The following FADS3 variants were observed in gnomAD, a reference collection of about 807,000 sequenced individuals.
The protein encoded by FADS3 is cytochrome b5-related protein.
A neutral mutation model predicts 60.4 loss-of-function variants in FADS3; 30 were observed. That is an observed-to-expected ratio of 0.50 (90% CI 0.37 to 0.67). FADS3 has a LOEUF of 0.67. Among genes scored for constraint, FADS3 ranks in the 30% least tolerant of loss-of-function variants. The probability of loss-of-function intolerance (pLI) is 0.00; values close to 1 mark genes in which losing one functional copy is unlikely to be tolerated. For synonymous variants in FADS3, 234 were observed against 249.3 expected (o/e 0.94, Z 0.58); for missense variants, 432 against 598.3 (o/e 0.72, Z 2.90).
chr11:61,884,178 T>C (rs1938230518), intron 1 of FADS3, among the ~76,000 whole-genome samples: 1 of 152,170 alleles, frequency 6.6e-6, no homozygotes, highest in African/African-American at 2.4e-5. Flanking sequence ...AAGCTACTTC[T>C]TCAAGGTCAC....
At chr11:61,885,088 C>T (rs1441657746) in intron 1 of FADS3, among the ~76,000 whole-genome samples, 3 of 152,166 alleles carry the variant, frequency 2.0e-5, no homozygotes, top group Non-Finnish European at 2.9e-5. Context: ...GATTCGAACC[C>T]GGGCCCATCT....
chr11:61,878,272 G>T (rs779096471), intron 5 of FADS3, 57 bp from the exon 6 acceptor site: 1 of 1,576,698 alleles, frequency 6.3e-7, no homozygotes, highest in Non-Finnish European at 8.7e-7. Context: ...TCCTTCTCCC[G>T]GGCAAGGTCA....
rs1938062473 is a variant in FADS3 at position 61,879,890 on chromosome 11, C to T, written c.324+151G>A. ...TACAGCTTCACTTTCAACTGCCTGC[C>T]CCCTGGGAGGGGAGGGCAGGCTCAG... is the stretch of plus-strand genomic sequence containing the variant. On this transcript the variant is annotated intron_variant, in intron 2 of 11. Coordinates refer to ENST00000278829, the MANE Select transcript of FADS3 (RefSeq NM_021727.5). 3 of 629,324 alleles carry T rather than the reference C, an allele frequency of 4.8e-6. No individual in the cohort carries two copies. In the East Asian group the frequency reaches 8.3e-5, roughly 17 times the overall value. 39.0% of individuals were successfully genotyped at this position (629,324 alleles called of 1,614,324 possible).
At chr11:61,882,112 T>G (rs1448340180) in intron 1 of FADS3, 14 of 134,438 alleles carry the variant, frequency 1.0e-4, no homozygotes, top group African/African-American at 3.1e-4. Flanking sequence ...TTTTTTTTTT[T>G]TTTTTTTTTT....
chr11:61,882,919 G>A (rs1233669368), intron 1 of FADS3, among the ~76,000 whole-genome samples: 4 of 151,840 alleles, frequency 2.6e-5, no homozygotes, highest in Admixed American at 1.3e-4. Context: ...TCGTAGAGTC[G>A]GGGTTTCACC....
chr11:61,883,241 T>C (rs1192078812), intron 1 of FADS3, among the ~76,000 whole-genome samples: 1 of 152,170 alleles, frequency 6.6e-6, no homozygotes, highest in African/African-American at 2.4e-5. Context: ...GCAACCACCA[T>C]GCTACCTTCT....
chr11:61,879,501 C>CAT lies in FADS3; in HGVS notation c.332_333insAT (p.Val112TrpfsTer15). On this transcript the variant is annotated frameshift_variant, in exon 3 of 12. Transcript: ENST00000278829. LOFTEE classifies it high-confidence loss of function. ...GGTGCAGGGCTCGGAAGTCCTCGACCAGCTGCGCCTGCCATAGCAGAGGGG... is the reference window on the plus strand; with the variant it reads ...GGTGCAGGGCTCGGAAGTCCTCGACCATAGCTGCGCCTGCCATAGCAGAGGGG... 1 of 1,578,870 alleles carries CAT rather than the reference C, an allele frequency of 6.3e-7. No homozygotes were observed. The highest frequency in any genetic ancestry group is 8.6e-7 in the Non-Finnish European group (1 of 1,165,324).
At chr11:61,875,051 A>C (rs1369500610) in intron 11 of FADS3, among the ~76,000 whole-genome samples, 2 of 152,228 alleles carry the variant, frequency 1.3e-5, no homozygotes, top group Non-Finnish European at 2.9e-5. Flanking sequence ...CTCATGGCAT[A>C]GATAACCTCC....
chr11:61,874,886 CTTAT>C (rs1937811745), intron 11 of FADS3, among the ~76,000 whole-genome samples: 1 of 151,830 alleles, frequency 6.6e-6, no homozygotes, highest in East Asian at 2.0e-4. Context: ...CTGTAATGTA[CTTAT>C]TTGTTATTTT....
At chr11:61,890,535 G>C (rs1938467634) in intron 1 of FADS3, 2 of 152,394 alleles carry the variant, frequency 1.3e-5, no homozygotes, top group Admixed American at 6.5e-5. Context: ...CTGGGGCCAG[G>C]CTACATCCCT....
Position 61,876,039 on chromosome 11 carries a change from C to T in FADS3, c.1161-63G>A, listed in dbSNP as rs764592385. 76 of 1,610,556 alleles carry T rather than the reference C, an allele frequency of 4.7e-5. No homozygotes were observed. The East Asian group carries it at 5.6e-4, about 12-fold the overall frequency. ...AGATTCCAGAGAGAGGCCCCACCCA[C>T]GGGTCCCCTCCCAGGATCCCCTCCC... On this transcript the variant is annotated intron_variant, in intron 10 of 11. Coordinates refer to ENST00000278829, the MANE Select transcript of FADS3 (RefSeq NM_021727.5). This position sits in a 1 kb window ranked among gnomAD's most constrained non-coding sequence, Gnocchi z 5.7.
rs1330524554 is a variant in FADS3 at position 61,891,272 on chromosome 11, T to G, written c.110A>C (p.Lys37Thr). The change falls in exon 1 of 12, where the codon AAG (lysine) becomes ACG (threonine). Residue 37 changes from lysine (K) to threonine (T), a missense_variant. By Grantham distance (78) the Lys-to-Thr change is moderately conservative. This residue lies in a region of FADS3 where 167 missense variants were observed against 188.8 expected (regional missense o/e 0.88). Transcript: ENST00000278829. ...GACGCGGCGCTCGATGACCAGCCAC[T>G]TGTCGCCGGGCTGGTCGTGCGCGCG... Reference protein sequence around the residue: ...QIRAHDQPGDKWLVIERRVYD... With the variant: ...QIRAHDQPGDTWLVIERRVYD... 2.6e-6 allele frequency: 4 copies of G among 1,539,208 alleles called. No homozygotes were observed. The African/African-American group carries it at 5.5e-5, about 21-fold the overall frequency.
At chr11:61,888,629 G>A (rs1057386625) in intron 1 of FADS3, among the ~76,000 whole-genome samples, 1 of 152,170 alleles carries the variant, frequency 6.6e-6, no homozygotes, top group Non-Finnish European at 1.5e-5. Context: ...AGCCGTGCAG[G>A]GCTGTCCCAC....
At chr11:61,878,460 C>T in intron 5 of FADS3, 52 bp downstream of exon 5, 3 of 1,594,450 alleles carry the variant, frequency 1.9e-6, no homozygotes, top group Non-Finnish European at 2.6e-6. Flanking sequence ...TGCATTAGCT[C>T]CCCCTCAGCT....
Position 61,875,959 on chromosome 11 carries a change from G to T in FADS3, c.1178C>A (p.Pro393Gln), listed in dbSNP as rs757125071. ...GGCCACCCGGCTGTAGTTGTGTCTCGGCATCCTGGGGAAGAGGCTGGGGGT... is the reference window on the plus strand; with the variant it reads ...GGCCACCCGGCTGTAGTTGTGTCTCTGCATCCTGGGGAAGAGGCTGGGGGT... ...QIEHHLFPRM[P>Q]RHNYSRVAPL... Residue 393 changes from proline (P) to glutamine (Q), a missense_variant, in exon 11 of 12, where the codon CCG (proline) becomes CAG (glutamine). By Grantham distance (76) the Pro-to-Gln change is moderately conservative. Around this residue, in one of 5 missense-constraint regions of FADS3, gnomAD observed 48 missense variants for 101.3 expected, o/e 0.47. Coordinates refer to ENST00000278829, the MANE Select transcript of FADS3 (RefSeq NM_021727.5). 6.2e-7 allele frequency: 1 copy of T among 1,613,620 alleles called. No individual in the cohort carries two copies. The highest frequency in any genetic ancestry group is 8.5e-7 in the Non-Finnish European group (1 of 1,180,038).
At chr11:61,890,552 C>T (rs1371161299) in intron 1 of FADS3, 2 of 152,442 alleles carry the variant, frequency 1.3e-5, no homozygotes, top group African/African-American at 4.8e-5. Context: ...CCCTGCCTGT[C>T]TAGACAGGGG....
At chr11:61,881,885 T>C (rs912412314) in intron 1 of FADS3, 3 of 151,962 alleles carry the variant, frequency 2.0e-5, no homozygotes, top group Non-Finnish European at 2.9e-5. Context: ...GCTCACTCAT[T>C]ACAGAGGAGG....
In FADS3 at chr11:61,877,446, TCC is replaced by T; in HGVS notation, c.885+63_885+64del. Reference sequence around the variant, plus strand: ...TGTTTGCCTTCATGGGCAGGTACTGTCCCCCGAGGCACCACCTCCTGCCACGG... The same window carrying T: ...TGTTTGCCTTCATGGGCAGGTACTGTCCCGAGGCACCACCTCCTGCCACGG... On this transcript the variant is annotated intron_variant, in intron 7 of 11. Coordinates refer to ENST00000278829, the MANE Select transcript of FADS3 (RefSeq NM_021727.5). This position sits in a 1 kb window ranked among gnomAD's most constrained non-coding sequence, Gnocchi z 4.7. The T allele has an allele frequency of 6.7e-7, 1 of 1,484,122 alleles. No homozygotes were observed. Among genetic ancestry groups the T allele is most frequent in the East Asian group, 2.3e-5 (1 of 44,318 alleles). The allele number at this position is 1,484,122 out of a possible 1,614,324, so 91.9% of individuals were successfully genotyped here. A position where few individuals can be genotyped will look rare whatever the true frequency, so the allele number is the denominator to read the frequency against.
rs547770410 is a variant in FADS3, at chr11:61,879,519, C to T, written c.325-10G>A. On this transcript the variant is annotated splice_polypyrimidine_tract_variant and intron_variant, in intron 2 of 11. Coordinates refer to ENST00000278829, the MANE Select transcript of FADS3 (RefSeq NM_021727.5). The stretch of plus-strand genomic sequence containing the variant: ...CCTCGACCAGCTGCGCCTGCCATAG[C>T]AGAGGGGCCGATCAGCCAAGGAAGA... 1 of 1,587,454 alleles carries T rather than the reference C, an allele frequency of 6.3e-7. No homozygotes were observed. The highest frequency in any genetic ancestry group is 1.3e-5 in the African/African-American group (1 of 74,830).
Sources: allele counts gnomAD v4.1 joint callset (sites outside exome capture counted in the v4.1 genomes callset), GRCh38; gene constraint gnomAD v4.1.1; regional missense constraint gnomAD v4.1.1; non-coding constraint Gnocchi (gnomAD v3.1); transcripts MANE v1.5; gene names NCBI Gene and HGNC (gene_info 2026-07-23, HGNC 2026-07-21).